FRMD6: variants seen among roughly 807,000 people sequenced by gnomAD.
The protein encoded by FRMD6 is FERM domain-containing protein 6.
A neutral mutation model predicts 73.2 loss-of-function variants in FRMD6; 37 were observed. That is an observed-to-expected ratio of 0.51 (90% CI 0.39 to 0.66). FRMD6 has a LOEUF of 0.66. Among genes scored for constraint, FRMD6 ranks in the 30% least tolerant of loss-of-function variants. The pLI is 0.00. For synonymous variants in FRMD6, 273 were observed against 282.2 expected (o/e 0.97, Z 0.33); for missense variants, 714 against 780.5 (o/e 0.91, Z 1.02).
chr14:51,524,496 T>C (rs1885125986), intron 1 of FRMD6, among the ~76,000 whole-genome samples: 1 of 151,778 alleles, frequency 6.6e-6, no homozygotes, highest in Non-Finnish European at 1.5e-5. Context: ...ACCATTGGAT[T>C]TGCTGTTCTT....
the FRMD6 span, among the ~76,000 whole-genome samples, chr14:51,423,973 T>G: frequency 6.6e-6 from 1 of 152,234 alleles, no homozygotes; most frequent in Non-Finnish European, 1.5e-5. Flanking sequence ...AACTTGTGTA[T>G]GTGAAATAAT....
chr14:51,474,120 T>C, the FRMD6 span, among the ~76,000 whole-genome samples: 2 of 152,344 alleles, frequency 1.3e-5, no homozygotes, highest in South Asian at 4.1e-4. Flanking sequence ...TCCAGATCTC[T>C]CTCTATCCAG....
rs900651745 is a variant in FRMD6, at chr14:51,606,961, G to C, written c.-147+36551G>C. 3.3e-5 allele frequency among the ~76,000 whole-genome samples: 5 copies of C among 152,144 alleles called. No individual in the cohort carries two copies. The South Asian group carries it at 1.0e-3, about 32-fold the overall frequency. ...GGAATTGTTGTTCAAGGACAGGAGA[G>C]GAATGGTGTATCCCGGTTCCAGCAG... On this transcript the variant is annotated intron_variant, in intron 2 of 14. Coordinates refer to the FRMD6 transcript ENST00000356218.
chr14:51,482,647 G>A, the FRMD6 span, among the ~76,000 whole-genome samples: 2 of 151,112 alleles, frequency 1.3e-5, no homozygotes, highest in African/African-American at 2.4e-5. Context: ...AGAGAGAGGT[G>A]CAATTGGAGA....
intron 1 of FRMD6, among the ~76,000 whole-genome samples, chr14:51,558,726 AACAT>A (rs1887300373): frequency 4.6e-5 from 7 of 152,216 alleles, no homozygotes; most frequent in Non-Finnish European, 1.0e-4. Context: ...AACATGTGGT[AACAT>A]AGTAGCCCTT....
chr14:51,660,007 A>G (rs1893102453), intron 1 of FRMD6, among the ~76,000 whole-genome samples: 1 of 152,228 alleles, frequency 6.6e-6, no homozygotes, highest in Admixed American at 6.5e-5. Flanking sequence ...AAAAAGGTAC[A>G]GGATCCTCTA....
At chr14:51,688,934 A>ATGT (rs2140352485) in intron 1 of FRMD6, among the ~76,000 whole-genome samples, 1 of 152,362 alleles carries the variant, frequency 6.6e-6, no homozygotes, top group Non-Finnish European at 1.5e-5. Context: ...TACAGTTAAT[A>ATGT]TGTTTAATAG....
chr14:51,729,360 G>A lies in FRMD6; in HGVS notation c.*1331G>A, dbSNP rs1898145253. The A allele has an allele frequency of 6.6e-6, 1 of 152,522 alleles. No individual in the cohort carries two copies. Among genetic ancestry groups the A allele is most frequent in the Non-Finnish European group, 1.5e-5 (1 of 68,034 alleles). 9.4% of individuals were successfully genotyped at this position (152,522 alleles called of 1,614,324 possible). On this transcript the variant is annotated 3_prime_UTR_variant, in exon 14 of 14. Coordinates refer to ENST00000344768, the MANE Select transcript of FRMD6 (RefSeq NM_001267046.2). ...ACAGAAGACGTAGTGTATGAGAAAG[G>A]GCCATTTTTAAGACAGTTACCTGTT...
intron 2 of FRMD6, among the ~76,000 whole-genome samples, chr14:51,690,728 C>G (rs1353727886): frequency 6.6e-6 from 1 of 152,058 alleles, no homozygotes; most frequent in Non-Finnish European, 1.5e-5. Flanking sequence ...TAAGAGTAGC[C>G]AAAATCTAGC....
the FRMD6 span, among the ~76,000 whole-genome samples, chr14:51,467,423 C>A: frequency 1.3e-3 from 202 of 152,364 alleles, 1 homozygote; most frequent in African/African-American, 4.8e-3. Context: ...CACTTCCTCC[C>A]TTTCTGTTTG....
At chr14:51,593,852 TACAC>T (rs202173295) in intron 2 of FRMD6, among the ~76,000 whole-genome samples, 5 of 151,796 alleles carry the variant, frequency 3.3e-5, no homozygotes, top group Admixed American at 2.0e-4. Context: ...TATATATACA[TACAC>T]ACACACACAT....
intron 1 of FRMD6, among the ~76,000 whole-genome samples, chr14:51,545,688 G>C (rs1434083275): frequency 6.6e-6 from 1 of 152,068 alleles, no homozygotes; most frequent in East Asian, 1.9e-4. Context: ...GCTCCCCATA[G>C]ACAAAGCATT....
intron 1 of FRMD6, among the ~76,000 whole-genome samples, chr14:51,528,615 C>A (rs1387616679): frequency 6.6e-6 from 1 of 152,078 alleles, no homozygotes; most frequent in Non-Finnish European, 1.5e-5. Flanking sequence ...TATTGGGTTT[C>A]CATGTGAGAT....
At chr14:51,708,007 T>G in intron 6 of FRMD6, 71 bp from the exon 7 acceptor site, 2 of 1,438,814 alleles carry the variant, frequency 1.4e-6, no homozygotes, top group Non-Finnish European at 1.9e-6. Flanking sequence ...TCTTTCATCA[T>G]TTTGGGGGTG....
intron 13 of FRMD6, 129 bp from the exon 14 acceptor site, chr14:51,727,616 C>G: frequency 4.8e-6 from 4 of 835,172 alleles, no homozygotes; most frequent in African/African-American, 1.7e-5. Flanking sequence ...CCAGAAACCA[C>G]AGATTGGAAA....
chr14:51,695,242 G>GTA (rs1366643005), intron 2 of FRMD6, among the ~76,000 whole-genome samples: 1 of 152,152 alleles, frequency 6.6e-6, no homozygotes, highest in Non-Finnish European at 1.5e-5. Flanking sequence ...CAAATTTGTA[G>GTA]TATATAGTTC....
intron 3 of FRMD6, 62 bp from the exon 4 acceptor site, chr14:51,700,992 CTA>C (rs914044108): frequency 2.8e-6 from 2 of 719,576 alleles, no homozygotes; most frequent in African/African-American, 3.8e-5. Context: ...TTGTTTCTTT[CTA>C]TATTTTTTTT....
chr14:51,724,828 T>C (rs1397429725), intron 12 of FRMD6, among the ~76,000 whole-genome samples: 1 of 152,270 alleles, frequency 6.6e-6, no homozygotes, highest in South Asian at 2.1e-4. Flanking sequence ...TCAGCGGTGT[T>C]CACTTACACC....
chr14:51,511,601 G>A (rs1464819657), intron 1 of FRMD6, among the ~76,000 whole-genome samples: 1 of 152,132 alleles, frequency 6.6e-6, no homozygotes, highest in Non-Finnish European at 1.5e-5. Context: ...TATCTTGGAA[G>A]GGAAAAGATT....
Sources: gnomAD v4.1 joint callset for allele counts (sites outside exome capture counted in the v4.1 genomes callset) on GRCh38, gnomAD v4.1.1 for gene constraint, MANE v1.5 for transcripts, NCBI Gene and HGNC (gene_info 2026-07-23, HGNC 2026-07-21) for gene names.